Variants in ADCY2 observed in about 807,000 individuals in gnomAD.
The protein encoded by ADCY2 is adenylate cyclase type 2.
A neutral mutation model predicts 125.2 loss-of-function variants in ADCY2; 31 were observed. The observed-to-expected ratio is 0.25, with a 90% confidence interval of 0.19 to 0.33. ADCY2 has a LOEUF of 0.33. Among genes scored for constraint, ADCY2 ranks in the 10% least tolerant of loss-of-function variants. The probability of loss-of-function intolerance (pLI) is 1.00; values close to 1 mark genes in which losing one functional copy is unlikely to be tolerated. For missense variants in ADCY2, 904 were observed against 1,418.2 expected (o/e 0.64, Z 5.82); for synonymous variants, 512 against 548.4 (o/e 0.93, Z 0.93).
chr5:7,753,542 G>GA (rs1742893513), intron 15 of ADCY2, among the ~76,000 whole-genome samples: 1 of 152,158 alleles, frequency 6.6e-6, no homozygotes, highest in Non-Finnish European at 1.5e-5. Flanking sequence ...CATTTAATTA[G>GA]GATGGTCGGA....
At chr5:7,442,035 AC>A (rs1306677281) in intron 2 of ADCY2, among the ~76,000 whole-genome samples, 1 of 152,016 alleles carries the variant, frequency 6.6e-6, no homozygotes, top group Non-Finnish European at 1.5e-5. Context: ...CTGTGATAGG[AC>A]CCTGACTGAT....
chr5:7,811,337 C>T (rs1271586946), intron 22 of ADCY2, among the ~76,000 whole-genome samples: 1 of 152,016 alleles, frequency 6.6e-6, no homozygotes, highest in African/African-American at 2.4e-5. Flanking sequence ...CCCATCTCTA[C>T]TAAAAATACA....
intron 2 of ADCY2, among the ~76,000 whole-genome samples, chr5:7,490,723 C>A (rs1743132505): frequency 6.6e-6 from 1 of 151,942 alleles, no homozygotes; most frequent in Non-Finnish European, 1.5e-5. Context: ...GATGGTATTG[C>A]CTGACAGATG....
chr5:7,575,144 A>G (rs1736204831), intron 3 of ADCY2, among the ~76,000 whole-genome samples: 1 of 152,162 alleles, frequency 6.6e-6, no homozygotes, highest in Admixed American at 6.5e-5. Context: ...TGAAAAACAT[A>G]GCAAGATTGT....
chr5:7,638,729 G>A (rs778078665), intron 4 of ADCY2, among the ~76,000 whole-genome samples: 30 of 152,140 alleles, frequency 2.0e-4, no homozygotes, highest in Non-Finnish European at 3.8e-4. Flanking sequence ...TCCTAGGGTC[G>A]TCATCTTCCT....
At chr5:7,601,680 C>T (rs775303264) in intron 3 of ADCY2, among the ~76,000 whole-genome samples, 5 of 152,170 alleles carry the variant, frequency 3.3e-5, no homozygotes, top group Admixed American at 6.5e-5. Flanking sequence ...GGTCTGTCAT[C>T]ATGTTCCTTC....
intron 2 of ADCY2, among the ~76,000 whole-genome samples, chr5:7,467,054 C>T (rs551623424): frequency 6.6e-6 from 1 of 152,136 alleles, no homozygotes; most frequent in Non-Finnish European, 1.5e-5. Context: ...CTGGGCTTAT[C>T]GGGATGTAAC....
intron 3 of ADCY2, among the ~76,000 whole-genome samples, chr5:7,564,260 G>A (rs1735817330): frequency 6.6e-6 from 1 of 152,088 alleles, no homozygotes; most frequent in African/African-American, 2.4e-5. Flanking sequence ...TGAAGCATGA[G>A]GACACATTTA....
chr5:7,643,076 A>C (rs914867853), intron 4 of ADCY2, among the ~76,000 whole-genome samples: 1 of 151,926 alleles, frequency 6.6e-6, no homozygotes, highest in South Asian at 2.1e-4. Context: ...AGACTGTGGT[A>C]GGATTTTTTT....
At chr5:7,688,183 C>A (rs1471703846) in intron 4 of ADCY2, among the ~76,000 whole-genome samples, 1 of 152,150 alleles carries the variant, frequency 6.6e-6, no homozygotes, top group African/African-American at 2.4e-5. Flanking sequence ...CAATGGGAAA[C>A]CTCAAAGCCA....
intron 4 of ADCY2, among the ~76,000 whole-genome samples, chr5:7,628,186 G>C (rs1579251595): frequency 6.6e-6 from 1 of 152,150 alleles, no homozygotes; most frequent in Non-Finnish European, 1.5e-5. Context: ...AATGTTTTGG[G>C]AGAGATGGTT....
At chr5:7,813,694 C>T (rs1745012721) in intron 22 of ADCY2, among the ~76,000 whole-genome samples, 1 of 152,184 alleles carries the variant, frequency 6.6e-6, no homozygotes, top group South Asian at 2.1e-4. Context: ...AAATGACTTA[C>T]TGATGTTGAA....
chr5:7,815,057 G>T (rs1261351369), intron 22 of ADCY2, among the ~76,000 whole-genome samples: 1 of 152,040 alleles, frequency 6.6e-6, no homozygotes, highest in African/African-American at 2.4e-5. Flanking sequence ...GCACATTCAC[G>T]ATCCTTCCTG....
chr5:7,634,061 G>T (rs1397104476), intron 4 of ADCY2, among the ~76,000 whole-genome samples: 1 of 152,088 alleles, frequency 6.6e-6, no homozygotes, highest in Non-Finnish European at 1.5e-5. Flanking sequence ...TTCTGTGATT[G>T]CCATCATATT....
At chr5:7,618,275 T>C (rs532833248) in intron 3 of ADCY2, among the ~76,000 whole-genome samples, 2 of 152,356 alleles carry the variant, frequency 1.3e-5, no homozygotes, top group South Asian at 4.1e-4. Context: ...TCAGGTGTTT[T>C]CTGATTCAGT....
chr5:7,476,829 T>C (rs1251347613), intron 2 of ADCY2, among the ~76,000 whole-genome samples: 1 of 152,204 alleles, frequency 6.6e-6, no homozygotes. Context: ...TTCTAATATA[T>C]AAGCAAAAAT....
In ADCY2 at chr5:7,510,563, T is replaced by C. The variant is rs535844184; in HGVS notation, c.409-10175T>C. The stretch of plus-strand genomic sequence containing the variant: ...TGGCTAGGCTCAGGCCCAAGCACCA[T>C]ACTTGGTGGTAACAAAGATCTTGAG... On this transcript the variant is annotated intron_variant, in intron 2 of 24. Transcript: ENST00000338316. Among the ~76,000 whole-genome samples the C allele has an allele frequency of 5.3e-5, 8 of 152,318 alleles. No individual in the cohort carries two copies. In the South Asian group the frequency reaches 1.5e-3, roughly 28 times the overall value.
rs1261171836 is a variant in ADCY2, at chr5:7,474,340, A to G, written c.409-46398A>G. Among the ~76,000 whole-genome samples the G allele has an allele frequency of 2.0e-5, 3 of 152,352 alleles. No individual in the cohort carries two copies. In the East Asian group the frequency reaches 5.8e-4, roughly 29 times the overall value. ...CCTGCTTTATGGTGCTCACAAACAT[A>G]TAAGAAAATAAAGCAATAATGCAAT... On this transcript the variant is annotated intron_variant, in intron 2 of 24. Coordinates refer to ENST00000338316, the MANE Select transcript of ADCY2 (RefSeq NM_020546.3).
chr5:7,414,544 C>T (rs1298649002), intron 1 of ADCY2, 29 bp from the exon 2 acceptor site: 4 of 1,577,512 alleles, frequency 2.5e-6, no homozygotes, highest in Non-Finnish European at 2.6e-6. Flanking sequence ...TAAATGGTAA[C>T]TTTTCCATGT....
Sources: gnomAD v4.1 joint callset for allele counts (sites outside exome capture counted in the v4.1 genomes callset) on GRCh38, gnomAD v4.1.1 for gene constraint, MANE v1.5 for transcripts, NCBI Gene and HGNC (gene_info 2026-07-23, HGNC 2026-07-21) for gene names.